The following STARD6 variants were observed in gnomAD, a reference collection of about 807,000 sequenced individuals.
The protein encoded by STARD6 is StAR related lipid transfer domain containing 6, also known as stAR-related lipid transfer protein 6.
Under a neutral mutation model 22.3 loss-of-function variants are expected in STARD6, and 21 were observed. That is an observed-to-expected ratio of 0.94 (90% CI 0.67 to 1.35). The LOEUF (loss-of-function observed/expected upper bound fraction) is 1.35. Ranked by LOEUF, STARD6 falls within the 40% of genes most tolerant of loss-of-function variation. STARD6 has a pLI of 0.00. For synonymous variants in STARD6, 80 were observed against 88.1 expected (o/e 0.91, Z 0.52); for missense variants, 269 against 266.9 (o/e 1.01, Z -0.05).
At chr18:54,342,454 T>TCTCC (rs2088979857) in intron 4 of STARD6, among the ~76,000 whole-genome samples, 2 of 123,098 alleles carry the variant, frequency 1.6e-5, no homozygotes, top group African/African-American at 3.7e-5. Flanking sequence ...TCCCTCTCCC[T>TCTCC]CTCCCTCTCC....
rs5825069 is a variant in STARD6, at chr18:54,354,217, T to A, written c.91-114A>T. The A allele has an allele frequency of 0.51, 272,679 of 531,692 alleles. 58,564 individuals carry two copies. Among genetic ancestry groups the A allele is most frequent in the East Asian group, 0.71 (24,176 of 33,842 alleles). 32.9% of individuals were successfully genotyped at this position (531,692 alleles called of 1,614,324 possible). On this transcript the variant is annotated intron_variant, in intron 3 of 7. Coordinates refer to ENST00000307844, the MANE Select transcript of STARD6 (RefSeq NM_139171.2). ...TTTTCTGGTTTGTAAAAGAAAAAAA[T>A]ATATATATATATTTTTCAGAGACAG...
At chr18:54,347,950 C>A (rs75675689) in intron 4 of STARD6, among the ~76,000 whole-genome samples, 3,039 of 152,120 alleles carry the variant, frequency 0.02, 36 homozygotes, top group South Asian at 0.046. Context: ...ATCATGGAGG[C>A]GGTTTCCCCC....
intron 4 of STARD6, among the ~76,000 whole-genome samples, chr18:54,345,085 A>G (rs2089022563): frequency 6.6e-6 from 1 of 152,194 alleles, no homozygotes; most frequent in South Asian, 2.1e-4. Flanking sequence ...AGTCATCCAG[A>G]TTGAAAAGGA....
At chr18:54,345,786 T>C (rs1009736698) in intron 4 of STARD6, among the ~76,000 whole-genome samples, 5 of 152,150 alleles carry the variant, frequency 3.3e-5, no homozygotes, top group African/African-American at 7.2e-5. Flanking sequence ...CTAATGTATA[T>C]GGTCAATTGA....
chr18:54,344,021 T>G (rs2089011751), intron 4 of STARD6, among the ~76,000 whole-genome samples: 1 of 47,358 alleles, frequency 2.1e-5, no homozygotes, highest in African/African-American at 2.5e-4. Flanking sequence ...CGGCCGCCCC[T>G]ACTGGGAAGT....
At chr18:54,332,820 A>C (rs1274467250) in intron 5 of STARD6, among the ~76,000 whole-genome samples, 1 of 152,150 alleles carries the variant, frequency 6.6e-6, no homozygotes, top group African/African-American at 2.4e-5. Flanking sequence ...TAGGATGATC[A>C]CTTGAGCCCA....
At chr18:54,337,769 C>A (rs949573113) in intron 4 of STARD6, among the ~76,000 whole-genome samples, 3 of 152,192 alleles carry the variant, frequency 2.0e-5, no homozygotes, top group African/African-American at 7.2e-5. Flanking sequence ...CATTCAGTGG[C>A]TAATCTTGCA....
At chr18:54,357,237 G>A (rs1319982454) in intron 1 of STARD6, 1 of 152,220 alleles carries the variant, frequency 6.6e-6, no homozygotes, top group Non-Finnish European at 1.5e-5. Flanking sequence ...ACACATGTTA[G>A]TGAGTCTTTA....
intron 6 of STARD6, among the ~76,000 whole-genome samples, chr18:54,329,928 G>A (rs1046998738): frequency 1.3e-5 from 2 of 151,388 alleles, no homozygotes; most frequent in African/African-American, 4.8e-5. Context: ...GTCAGTAAAG[G>A]TACTTTAAAA....
chr18:54,354,018 TTAAA>T, intron 4 of STARD6, 32 bp downstream of exon 4: 1 of 1,385,824 alleles, frequency 7.2e-7, no homozygotes, highest in South Asian at 1.4e-5. Flanking sequence ...GGCATTGAAT[TTAAA>T]ACAGTAATTG....
intron 5 of STARD6, among the ~76,000 whole-genome samples, chr18:54,333,859 A>T (rs1370174793): frequency 6.6e-6 from 1 of 152,192 alleles, no homozygotes; most frequent in East Asian, 1.9e-4. Flanking sequence ...TGCAGGTTGG[A>T]GACTTAAAGA....
intron 2 of STARD6, 133 bp from the exon 3 acceptor site, chr18:54,354,710 T>C (rs568610973): frequency 4.8e-5 from 30 of 628,716 alleles, no homozygotes; most frequent in East Asian, 2.6e-4. Flanking sequence ...GATGAATGCA[T>C]GTATGCATGA....
At position 54,331,766 on chromosome 18, in the gene STARD6, C is replaced by T. The variant is rs374944431; in HGVS notation, c.361G>A (p.Glu121Lys). Residue 121 changes from glutamate to lysine, a missense_variant, in exon 6 of 8, where the codon GAA becomes AAA. Coordinates refer to ENST00000307844, the MANE Select transcript of STARD6 (RefSeq NM_139171.2). Reference sequence around the variant, plus strand: ...CAACTGATAATGTTCATATTTCCTTCGTAGCGCTTGATGTACACTAAGTCG... The same window carrying T: ...CAACTGATAATGTTCATATTTCCTTTGTAGCGCTTGATGTACACTAAGTCG... The part of the protein sequence containing the change: ...FIDLVYIKRY[E>K]GNMNIISSKS... 1.5e-4 allele frequency: 240 copies of T among 1,610,324 alleles called. No individual in the cohort carries two copies. The highest frequency in any genetic ancestry group is 2.0e-4 in the Non-Finnish European group (230 of 1,177,706).
chr18:54,336,627 T>TGAGAGTGAGTGAGTTCTCAC (rs2088915999), intron 5 of STARD6, among the ~76,000 whole-genome samples: 1 of 152,236 alleles, frequency 6.6e-6, no homozygotes, highest in Non-Finnish European at 1.5e-5. Flanking sequence ...CCTGTTCTCA[T>TGAGAGTGAGTGAGTTCTCAC]GATAGTGAGT....
Position 54,354,077 on chromosome 18 carries a change from A to C in STARD6, c.117T>G (p.Ala39=). 4 of 1,569,568 alleles carry C rather than the reference A, an allele frequency of 2.5e-6. No homozygotes were observed. Among genetic ancestry groups the C allele is most frequent in the Non-Finnish European group, 3.5e-6 (4 of 1,156,290 alleles). The change falls in exon 4 of 8, where the codon GCT becomes GCG. Residue 39 remains alanine, a synonymous_variant. Coordinates refer to ENST00000307844, the MANE Select transcript of STARD6 (RefSeq NM_139171.2). Reference sequence around the variant, plus strand: ...ACAGATTTCCATGGAATTTTCTAGAAGCCTTACTGGAAACAGTTATCTTTT... The same window carrying C: ...ACAGATTTCCATGGAATTTTCTAGACGCCTTACTGGAAACAGTTATCTTTT... ...TSKKITVSSK[A]SRKFHGNLYR...
intron 4 of STARD6, among the ~76,000 whole-genome samples, chr18:54,349,460 A>T (rs2089073069): frequency 6.6e-6 from 1 of 152,136 alleles, no homozygotes; most frequent in African/African-American, 2.4e-5. Flanking sequence ...GAGGTCAGAG[A>T]GGTAAGTGGG....
At chr18:54,329,657 C>T (rs55736709) in intron 6 of STARD6, among the ~76,000 whole-genome samples, 53,006 of 151,710 alleles carry the variant, frequency 0.35, 10,749 homozygotes, top group East Asian at 0.68. Flanking sequence ...CTAGTTATTT[C>T]TAAAGATGCT....
intron 4 of STARD6, among the ~76,000 whole-genome samples, chr18:54,345,944 A>G (rs1421660093): frequency 6.6e-6 from 1 of 152,144 alleles, no homozygotes; most frequent in Admixed American, 6.5e-5. Flanking sequence ...ATCACAACAG[A>G]CCTACATGTA....
chr18:54,354,497 ACTT>A lies in STARD6; in HGVS notation c.74_76del (p.Lys25_Val26delinsMet), dbSNP rs2089126223. The A allele has an allele frequency of 1.9e-6, 3 of 1,612,348 alleles. No homozygotes were observed. The highest frequency in any genetic ancestry group is 1.7e-6 in the Non-Finnish European group (2 of 1,179,316). On this transcript the variant is annotated inframe_deletion, in exon 3 of 8. Coordinates refer to ENST00000307844, the MANE Select transcript of STARD6 (RefSeq NM_139171.2). The stretch of plus-strand genomic sequence containing the variant: ...TTATTTTCTTACTGAAGTTTTAACC[ACTT>A]TCCAGCCTGATGTATCTCGATTATA...
Sources: gnomAD v4.1 joint callset for allele counts (sites outside exome capture counted in the v4.1 genomes callset) on GRCh38, gnomAD v4.1.1 for gene constraint, MANE v1.5 for transcripts, NCBI Gene and HGNC (gene_info 2026-07-23, HGNC 2026-07-21) for gene names.